DCLRE1A: variants seen among roughly 807,000 people sequenced by gnomAD.
DCLRE1A encodes the protein DNA cross-link repair 1A.
In DCLRE1A, 64 loss-of-function variants were observed where a neutral mutation model predicts 91.9. The ratio of observed to expected loss-of-function variants is 0.70; its 90% confidence interval spans 0.57 to 0.86. The LOEUF (loss-of-function observed/expected upper bound fraction) is 0.86. DCLRE1A is among the 40% of genes least tolerant of loss of function. DCLRE1A has a pLI of 0.00. For synonymous variants in DCLRE1A, 416 were observed against 431.1 expected, an observed-to-expected ratio of 0.96 and a Z score of 0.43; for missense variants, 1,145 against 1,213.3, an observed-to-expected ratio of 0.94 and a Z score of 0.84.
intron 2 of DCLRE1A, 84 bp from the exon 3 acceptor site, chr10:113,847,419 C>A: frequency 7.1e-7 from 1 of 1,399,424 alleles, no homozygotes; most frequent in Admixed American, 2.4e-5. Flanking sequence ...ACCCTCTATC[C>A]TCTTTACCTC....
At chr10:113,844,063 G>A (rs1845489016) in intron 5 of DCLRE1A, 41 bp downstream of exon 5, 3 of 1,610,514 alleles carry the variant, frequency 1.9e-6, no homozygotes, top group East Asian at 4.5e-5. Flanking sequence ...AGCAAAGGCT[G>A]TCAGTGGGAA....
rs538738062 is a variant in DCLRE1A, at chr10:113,841,053, T to C, written c.2820+353A>G. On this transcript the variant is annotated intron_variant, in intron 7 of 8. Coordinates refer to ENST00000361384, the MANE Select transcript of DCLRE1A (RefSeq NM_014881.5). Reference sequence around the variant, plus strand: ...AGAATAGAATAGACCTGAAGTAAACTAAGAACTTCTTAGATTCTTCACTCA... The same window carrying C: ...AGAATAGAATAGACCTGAAGTAAACCAAGAACTTCTTAGATTCTTCACTCA... Among the ~76,000 whole-genome samples the C allele has an allele frequency of 7.2e-5, 11 of 152,342 alleles. No homozygotes were observed. The South Asian group carries it at 1.9e-3, about 26-fold the overall frequency.
rs12781398 is a variant in DCLRE1A at position 113,851,412 on chromosome 10, G to A, written c.461-768C>T. ...TCATAGCTAACATGAAAGCCATATT[G>A]AGTATTTTTTTATTTTACTGAATTT... is the stretch of plus-strand genomic sequence containing the variant. On this transcript the variant is annotated intron_variant, in intron 1 of 8. Coordinates refer to ENST00000361384, the MANE Select transcript of DCLRE1A (RefSeq NM_014881.5). 5.8e-3 allele frequency among the ~76,000 whole-genome samples: 874 copies of A among 151,864 alleles called. 4 individuals are homozygous for A. The highest frequency in any genetic ancestry group is 7.6e-3 in the Non-Finnish European group (517 of 67,942).
intron 2 of DCLRE1A, among the ~76,000 whole-genome samples, chr10:113,847,673 GCTAA>G (rs1336365745): frequency 6.6e-6 from 1 of 152,178 alleles, no homozygotes; most frequent in Non-Finnish European, 1.5e-5. Flanking sequence ...AAAGGAGAAT[GCTAA>G]CTTTCTTCTA....
Position 113,835,138 on chromosome 10 carries a change from C to A in DCLRE1A, c.*14G>T. ...CCAAGGAACTTAACTACTACTGAAT[C>A]CTCGGAGGTATCATCAATATCCAGC... On this transcript the variant is annotated 3_prime_UTR_variant, in exon 9 of 9. Coordinates refer to ENST00000361384, the MANE Select transcript of DCLRE1A (RefSeq NM_014881.5). The A allele has an allele frequency of 1.2e-6, 2 of 1,610,598 alleles. No individual in the cohort carries two copies. Among genetic ancestry groups the A allele is most frequent in the Non-Finnish European group, 1.7e-6 (2 of 1,178,628 alleles).
At chr10:113,846,883 C>A (rs1431834098) in intron 3 of DCLRE1A, among the ~76,000 whole-genome samples, 3 of 152,142 alleles carry the variant, frequency 2.0e-5, no homozygotes, top group Non-Finnish European at 4.4e-5. Flanking sequence ...AGGGCACTCA[C>A]AGATACAGCA....
At chr10:113,845,584 T>C in intron 4 of DCLRE1A, 101 bp downstream of exon 4, 1 of 844,972 alleles carries the variant, frequency 1.2e-6, no homozygotes. Flanking sequence ...TTAAGAAATA[T>C]CAAGCATATT....
chr10:113,849,194 T>C lies in DCLRE1A; in HGVS notation c.1911A>G (p.Arg637=). The C allele has an allele frequency of 6.2e-7, 1 of 1,613,972 alleles. No individual in the cohort carries two copies. The highest frequency in any genetic ancestry group is 8.5e-7 in the Non-Finnish European group (1 of 1,179,922). ...CCTGCAGTGAATTTGACTTTCTACA[T>C]CTCTTTTTTTGACGCTGTGACCTCT... ...SSERSQRQKK[R]CRKSNSLQEG... is the part of the protein sequence containing the mutation. Residue 637 remains arginine (R), a synonymous_variant, in exon 2 of 9, where the codon AGA becomes AGG. Transcript: ENST00000361384.
At position 113,844,119 on chromosome 10, in the gene DCLRE1A, A is replaced by G; in HGVS notation, c.2504T>C (p.Leu835Pro). 1 of 1,614,182 alleles carries G rather than the reference A, an allele frequency of 6.2e-7. No individual in the cohort carries two copies. The highest frequency in any genetic ancestry group is 8.5e-7 in the Non-Finnish European group (1 of 1,180,004). ...SLLADQKVHMLYLDTTYCSPE... is the reference protein window; with the variant it reads ...SLLADQKVHMPYLDTTYCSPE... ...CCTCTCTTACGTGGTATCTAAGTAC[A>G]GCATATGGACTTTCTGGTCCGCAAG... Residue 835 changes from leucine to proline, a missense_variant, in exon 5 of 9, where the codon CTG becomes CCG. Physicochemically the swap from Leu to Pro is moderately conservative, Grantham distance 98 (BLOSUM62 -3). Transcript: ENST00000361384.
chr10:113,845,626 A>C, intron 4 of DCLRE1A, 59 bp downstream of exon 4: 1 of 1,250,718 alleles, frequency 8.0e-7, no homozygotes, highest in South Asian at 1.2e-5. Flanking sequence ...TAATCATGCC[A>C]ATGTGTTGTC....
At chr10:113,843,937 T>A (rs186605066) in intron 5 of DCLRE1A, among the ~76,000 whole-genome samples, 167 bp downstream of exon 5, 14 of 152,282 alleles carry the variant, frequency 9.2e-5, no homozygotes, top group Admixed American at 3.9e-4. Flanking sequence ...ACACATACAA[T>A]CTCAAATTTG....
chr10:113,837,276 G>C, intron 7 of DCLRE1A, 73 bp from the exon 8 acceptor site: 1 of 1,397,360 alleles, frequency 7.2e-7, no homozygotes, highest in Non-Finnish European at 9.6e-7. Context: ...GATTAAAGAT[G>C]TTATACTGGC....
Position 113,843,710 on chromosome 10 carries a change from A to T in DCLRE1A, c.2519+394T>A, listed in dbSNP as rs17235178. Among the ~76,000 whole-genome samples, 359 of 152,378 alleles carry T rather than the reference A, an allele frequency of 2.4e-3. 1 individual carries two copies. Among genetic ancestry groups the T allele is most frequent in the African/African-American group, 7.9e-3 (327 of 41,600 alleles). On this transcript the variant is annotated intron_variant, in intron 5 of 8. Transcript: ENST00000361384. ...TTATAAATTATCTTTTTAAGAAAAG[A>T]ACAACAGCAAGTTTGGATACTCAAA...
chr10:113,839,045 G>T (rs778698720), intron 7 of DCLRE1A, among the ~76,000 whole-genome samples: 1 of 152,104 alleles, frequency 6.6e-6, no homozygotes, highest in Non-Finnish European at 1.5e-5. Context: ...ATCTTCCGAG[G>T]CCGGGCGTGG....
At chr10:113,851,520 A>G (rs1433891022) in intron 1 of DCLRE1A, among the ~76,000 whole-genome samples, 1 of 152,164 alleles carries the variant, frequency 6.6e-6, no homozygotes, top group African/African-American at 2.4e-5. Flanking sequence ...CCTGTTCTCC[A>G]TATGTATTCC....
Position 113,850,377 on chromosome 10 carries a change from T to G in DCLRE1A, c.728A>C (p.Glu243Ala), listed in dbSNP as rs1845626580. The change falls in exon 2 of 9, where the codon GAA becomes GCA. Residue 243 changes from glutamate (E) to alanine (A), a missense_variant. Coordinates refer to ENST00000361384, the MANE Select transcript of DCLRE1A (RefSeq NM_014881.5). ...ATGAGTAGAAATCTTTTCACTGGCT[T>G]CAGTCAGAGACGGAGACTTTTTAAA... ...QYFKKSPSLT[E>A]ASEKISTHIQ... 1 of 1,614,230 alleles carries G rather than the reference T, an allele frequency of 6.2e-7. No homozygotes were observed. The highest frequency in any genetic ancestry group is 1.3e-5 in the African/African-American group (1 of 75,062).
intron 4 of DCLRE1A, among the ~76,000 whole-genome samples, chr10:113,844,708 G>A (rs896782428): frequency 6.6e-6 from 1 of 152,156 alleles, no homozygotes; most frequent in South Asian, 2.1e-4. Context: ...GGCCGAAGCG[G>A]GTGTATCACC....
rs747935695 is a variant in DCLRE1A, at chr10:113,849,578, T to C, written c.1527A>G (p.Ala509=). 6.2e-7 allele frequency: 1 copy of C among 1,614,008 alleles called. No individual in the cohort carries two copies. Among genetic ancestry groups the C allele is most frequent in the South Asian group, 1.1e-5 (1 of 91,080 alleles). Residue 509 remains alanine (A), a synonymous_variant, in exon 2 of 9, where the codon GCA becomes GCG. Transcript: ENST00000361384. ...CTTTACCAACTGGCACACCCTCTAA[T>C]GCCTTTCTGCAGAAACATGCTGAGT... ...NTNSACFCRK[A]LEGVPVGKAT...
At chr10:113,835,399 A>G in intron 8 of DCLRE1A, 87 bp from the exon 9 acceptor site, 1 of 1,369,190 alleles carries the variant, frequency 7.3e-7, no homozygotes, top group Non-Finnish European at 9.7e-7. Flanking sequence ...ATAAAACAAA[A>G]GAGAAAAGCA....
Sources: gnomAD v4.1 joint callset for allele counts (sites outside exome capture counted in the v4.1 genomes callset) on GRCh38, gnomAD v4.1.1 for gene constraint, MANE v1.5 for transcripts, NCBI Gene and HGNC (gene_info 2026-07-23, HGNC 2026-07-21) for gene names.